The following FIRRM variants were observed in gnomAD, a reference collection of about 807,000 sequenced individuals.
FIRRM encodes FIGNL1 interacting regulator of recombination and mitosis.
At chr1:169,853,229 C>CT in the FIRRM span, 4 of 495,670 alleles carry the variant, frequency 8.1e-6, no homozygotes, top group African/African-American at 3.9e-5. Context: ...CTCAGATAGT[C>CT]TAACTGTAAA....
the FIRRM span, chr1:169,837,168 G>GT: frequency 7.0e-7 from 1 of 1,436,584 alleles, no homozygotes. Flanking sequence ...ATTGAGCATT[G>GT]TTTTAGGTAC....
the FIRRM span, among the ~76,000 whole-genome samples, chr1:169,835,954 G>T: frequency 6.6e-6 from 1 of 152,046 alleles, no homozygotes; most frequent in African/African-American, 2.4e-5. Context: ...ATAGCCACAT[G>T]ATTTCTAGCT....
chr1:169,832,324 AGC>A, the FIRRM span: 1 of 772,374 alleles, frequency 1.3e-6, no homozygotes. Flanking sequence ...CCCTAGAAAG[AGC>A]TGCTATTAAT....
the FIRRM span, among the ~76,000 whole-genome samples, chr1:169,848,375 C>A: frequency 7.9e-5 from 12 of 152,100 alleles, no homozygotes; most frequent in Non-Finnish European, 1.6e-4. Flanking sequence ...GAGAATTACG[C>A]CTTCCTTATT....
the FIRRM span, among the ~76,000 whole-genome samples, chr1:169,785,938 A>C: frequency 3.3e-5 from 5 of 152,210 alleles, no homozygotes; most frequent in African/African-American, 1.2e-4. Context: ...CTTTTTAAGC[A>C]ATCATGTAAA....
chr1:169,810,679 G>A, the FIRRM span, among the ~76,000 whole-genome samples: 1 of 151,724 alleles, frequency 6.6e-6, no homozygotes, highest in East Asian at 1.9e-4. Context: ...TTGGGAGTTA[G>A]AACTTAAAGC....
At chr1:169,851,988 T>C in the FIRRM span, 4 of 1,612,696 alleles carry the variant, frequency 2.5e-6, no homozygotes, top group Admixed American at 1.7e-5. Flanking sequence ...AATTCTGCCC[T>C]TTTTACTTAC....
chr1:169,802,281 A>G, the FIRRM span, among the ~76,000 whole-genome samples: 1 of 152,208 alleles, frequency 6.6e-6, no homozygotes, highest in Non-Finnish European at 1.5e-5. Flanking sequence ...ATTCTTCAAG[A>G]CAGTCAAATT....
At chr1:169,853,156 T>C in the FIRRM span, 1 of 685,838 alleles carries the variant, frequency 1.5e-6, no homozygotes, top group Non-Finnish European at 2.5e-6. Context: ...TATTAAGAAC[T>C]TTGGTACAAT....
chr1:169,813,453 A>C, the FIRRM span, among the ~76,000 whole-genome samples: 3 of 152,232 alleles, frequency 2.0e-5, no homozygotes, highest in African/African-American at 7.2e-5. Context: ...ATATTACACA[A>C]GTATCTAACA....
chr1:169,849,385 C>T, the FIRRM span: 1 of 703,902 alleles, frequency 1.4e-6, no homozygotes, highest in Non-Finnish European at 2.4e-6. Flanking sequence ...AGTGTGTGTC[C>T]CCTGGGACAG....
chr1:169,798,959 G>C, the FIRRM span: 17 of 1,261,510 alleles, frequency 1.3e-5, no homozygotes, highest in African/African-American at 2.1e-4. Flanking sequence ...GAGCATATTC[G>C]TAAGTAAAAT....
At chr1:169,851,733 C>T in the FIRRM span, 2 of 1,523,374 alleles carry the variant, frequency 1.3e-6, no homozygotes, top group African/African-American at 2.8e-5. Flanking sequence ...GTTGAACACT[C>T]AGCACTTAAA....
At chr1:169,809,004 T>G in the FIRRM span, among the ~76,000 whole-genome samples, 1 of 152,194 alleles carries the variant, frequency 6.6e-6, no homozygotes, top group Admixed American at 6.5e-5. Flanking sequence ...AGGGAATTCC[T>G]TTGTACCTGC....
chr1:169,789,363 C>T, the FIRRM span, among the ~76,000 whole-genome samples: 4 of 152,104 alleles, frequency 2.6e-5, no homozygotes, highest in Admixed American at 2.6e-4. Flanking sequence ...CCAGATGAAA[C>T]GCTGACACTT....
the FIRRM span, among the ~76,000 whole-genome samples, chr1:169,798,369 G>A: frequency 4.6e-5 from 7 of 151,636 alleles, no homozygotes; most frequent in Admixed American, 3.9e-4. Flanking sequence ...CCAGTTTCAA[G>A]TGATTCTCCT....
At chr1:169,847,319 A>T in the FIRRM span, among the ~76,000 whole-genome samples, 12 of 47,736 alleles carry the variant, frequency 2.5e-4, no homozygotes, top group African/African-American at 3.8e-4. Context: ...TTTCTAAAAA[A>T]AAAAAAAAAA....
At chr1:169,834,201 G>A in the FIRRM span, among the ~76,000 whole-genome samples, 1 of 152,038 alleles carries the variant, frequency 6.6e-6, no homozygotes, top group Admixed American at 6.5e-5. Context: ...AAATAATTGA[G>A]ACTATCAGAT....
chr1:169,808,414 A>G, the FIRRM span, among the ~76,000 whole-genome samples: 1 of 152,106 alleles, frequency 6.6e-6, no homozygotes, highest in African/African-American at 2.4e-5. Context: ...AGAGTGTTGA[A>G]TTGGTATCCC....
Sources: gnomAD v4.1 joint callset for allele counts (sites outside exome capture counted in the v4.1 genomes callset) on GRCh38, gnomAD v4.1.1 for gene constraint, MANE v1.5 for transcripts, NCBI Gene and HGNC (gene_info 2026-07-23, HGNC 2026-07-21) for gene names.